APAF1: variants seen among roughly 807,000 people sequenced by gnomAD.
APAF1 encodes apoptotic protease-activating factor 1.
A neutral mutation model predicts 152.4 loss-of-function variants in APAF1; 91 were observed. The observed-to-expected ratio is 0.60, with a 90% CI of 0.50 to 0.71. APAF1 has a LOEUF of 0.71. Ranked by LOEUF, APAF1 falls within the 30% of genes least tolerant of loss-of-function variation. APAF1 has a pLI of 0.00. For missense variants in APAF1, 1,283 were observed against 1,472.0 expected, an observed-to-expected ratio of 0.87 and a Z score of 2.10; for synonymous variants, 484 against 494.1, an observed-to-expected ratio of 0.98 and a Z score of 0.27.
intron 9 of APAF1, 99 bp from the exon 10 acceptor site, chr12:98,667,414 C>G: frequency 6.8e-7 from 1 of 1,471,036 alleles, no homozygotes; most frequent in Middle Eastern, 1.9e-4. Flanking sequence ...CCGAGCCCGG[C>G]CTCTCTGTAC....
chr12:98,647,469 T>A (rs2097642804), intron 1 of APAF1, among the ~76,000 whole-genome samples: 1 of 151,842 alleles, frequency 6.6e-6, no homozygotes, highest in Non-Finnish European at 1.5e-5. Flanking sequence ...GCCGCCCTGG[T>A]TCAAGCAGTT....
chr12:98,681,780 TA>T (rs1185055336), intron 14 of APAF1, among the ~76,000 whole-genome samples: 1 of 152,060 alleles, frequency 6.6e-6, no homozygotes, highest in Non-Finnish European at 1.5e-5. Context: ...CTACATGGAG[TA>T]AAAGGAAATA....
chr12:98,663,480 C>T (rs2097668115), intron 7 of APAF1, among the ~76,000 whole-genome samples: 1 of 152,094 alleles, frequency 6.6e-6, no homozygotes, highest in Admixed American at 6.6e-5. Flanking sequence ...TCCTAAAGCA[C>T]TGGGACTACA....
intron 20 of APAF1, among the ~76,000 whole-genome samples, chr12:98,709,005 A>G (rs1180727980): frequency 2.6e-5 from 4 of 152,216 alleles, no homozygotes; most frequent in African/African-American, 4.8e-5. Flanking sequence ...TACAAGAGTG[A>G]TTCAGACATG....
At chr12:98,682,332 C>T (rs916331494) in intron 14 of APAF1, among the ~76,000 whole-genome samples, 1 of 152,156 alleles carries the variant, frequency 6.6e-6, no homozygotes, top group African/African-American at 2.4e-5. Context: ...GGATTACAGG[C>T]GTGAGCCACC....
intron 4 of APAF1, among the ~76,000 whole-genome samples, chr12:98,653,485 C>G (rs576673127): frequency 1.3e-5 from 2 of 149,518 alleles, no homozygotes; most frequent in Non-Finnish European, 3.0e-5. Flanking sequence ...GGTGAAACCC[C>G]GTCTCTACTA....
At chr12:98,647,373 A>G (rs920978552) in intron 1 of APAF1, among the ~76,000 whole-genome samples, 3 of 151,654 alleles carry the variant, frequency 2.0e-5, no homozygotes, top group African/African-American at 7.3e-5. Flanking sequence ...TATGATACCA[A>G]CACTTGTTTT....
At chr12:98,659,408 C>T (rs899835538) in intron 5 of APAF1, 65 bp downstream of exon 5, 9 of 1,491,148 alleles carry the variant, frequency 6.0e-6, no homozygotes, top group Admixed American at 5.0e-5. Context: ...AACTACTGAC[C>T]TCTTGAGAAC....
At chr12:98,646,403 A>G (rs1325975967) in intron 1 of APAF1, among the ~76,000 whole-genome samples, 1 of 152,248 alleles carries the variant, frequency 6.6e-6, no homozygotes, top group South Asian at 2.1e-4. Context: ...TGACAAGCAT[A>G]GGCAAATGCC....
chr12:98,715,034 G>A (rs1163717605), intron 21 of APAF1, among the ~76,000 whole-genome samples: 2 of 146,232 alleles, frequency 1.4e-5, no homozygotes, highest in Non-Finnish European at 3.0e-5. Context: ...TCTCATCCAG[G>A]ACTTACTTAC....
intron 15 of APAF1, among the ~76,000 whole-genome samples, chr12:98,684,017 C>T (rs528640414): frequency 6.6e-6 from 1 of 152,198 alleles, no homozygotes; most frequent in African/African-American, 2.4e-5. Flanking sequence ...GATCTGCTAA[C>T]TTTTTTTGAA....
chr12:98,660,017 T>G (rs559412551), intron 5 of APAF1, among the ~76,000 whole-genome samples: 2 of 151,962 alleles, frequency 1.3e-5, no homozygotes, highest in African/African-American at 4.8e-5. Flanking sequence ...TGGGTTAACA[T>G]AGAACAACAG....
chr12:98,696,771 C>T (rs2097710413), intron 16 of APAF1, among the ~76,000 whole-genome samples: 1 of 152,152 alleles, frequency 6.6e-6, no homozygotes, highest in Non-Finnish European at 1.5e-5. Context: ...GCTAGGATTA[C>T]AGACATGAGC....
rs1565863211 is a variant in APAF1, at chr12:98,665,280, T to TATATA, written c.956-273_956-272insATATA. 3.8e-3 allele frequency among the ~76,000 whole-genome samples: 241 copies of TATATA among 62,604 alleles called. 1 individual carries two copies. Among genetic ancestry groups the TATATA allele is most frequent in the African/African-American group, 0.013 (222 of 17,296 alleles). The allele number at this position is 62,604 out of a possible 152,430, so 41.1% of individuals were successfully genotyped here. A position where few individuals can be genotyped will look rare whatever the true frequency, so the allele number is the denominator to read the frequency against. ...CATATATATATATATATATATATAT[T>TATATA]TTTTTTTTTTTTTGTAATGACATCT... On this transcript the variant is annotated intron_variant, in intron 7 of 26. Coordinates refer to ENST00000551964, the MANE Select transcript of APAF1 (RefSeq NM_181861.2).
chr12:98,723,546 G>T, intron 23 of APAF1, 93 bp from the exon 24 acceptor site: 1 of 1,268,868 alleles, frequency 7.9e-7, no homozygotes. Context: ...TAAAACTCTT[G>T]TTTTATAGAC....
chr12:98,723,060 C>A, intron 22 of APAF1, 133 bp from the exon 23 acceptor site: 1 of 921,332 alleles, frequency 1.1e-6, no homozygotes, highest in Non-Finnish European at 1.7e-6. Context: ...AGTCTTCTCT[C>A]TTATTCCTCT....
chr12:98,711,983 A>G (rs1449216818), intron 20 of APAF1, among the ~76,000 whole-genome samples: 1 of 152,228 alleles, frequency 6.6e-6, no homozygotes, highest in Non-Finnish European at 1.5e-5. Flanking sequence ...TAGCCCTATT[A>G]AAAGTGGGCT....
intron 4 of APAF1, among the ~76,000 whole-genome samples, chr12:98,651,474 A>G (rs1328142111): frequency 1.3e-5 from 2 of 152,086 alleles, no homozygotes; most frequent in Admixed American, 1.3e-4. Context: ...CCTTGTTGCT[A>G]TGTATACATG....
intron 10 of APAF1, 131 bp downstream of exon 10, chr12:98,667,775 T>TC: frequency 1.2e-6 from 1 of 862,792 alleles, no homozygotes; most frequent in Non-Finnish European, 1.7e-6. Context: ...ATTTTTTTTT[T>TC]TTTTTTTTTT....
Sources: gnomAD v4.1 joint callset for allele counts (sites outside exome capture counted in the v4.1 genomes callset) on GRCh38, gnomAD v4.1.1 for gene constraint, MANE v1.5 for transcripts, NCBI Gene and HGNC (gene_info 2026-07-23, HGNC 2026-07-21) for gene names.